Variants in CLMP observed in about 807,000 individuals in gnomAD.
CLMP encodes CXADR-like membrane protein.
CLMP carries 27 observed loss-of-function variants against 45.2 expected under a neutral mutation model. That is an observed-to-expected ratio of 0.60 (90% CI 0.44 to 0.82). CLMP has a LOEUF of 0.82. CLMP is among the 40% of genes least tolerant of loss of function. CLMP has a pLI of 0.00. For missense variants in CLMP, 403 were observed against 448.4 expected, an observed-to-expected ratio of 0.90 and a Z score of 0.91; for synonymous variants, 167 against 171.4, an observed-to-expected ratio of 0.97 and a Z score of 0.20.
chr11:123,087,038 T>C (rs977104794), intron 2 of CLMP, among the ~76,000 whole-genome samples: 16 of 150,942 alleles, frequency 1.1e-4, no homozygotes, highest in Admixed American at 9.9e-4. Flanking sequence ...TACTAAAAAA[T>C]ACAAAAATTA....
intron 1 of CLMP, among the ~76,000 whole-genome samples, chr11:123,162,813 G>C (rs1861504797): frequency 6.6e-6 from 1 of 151,630 alleles, no homozygotes; most frequent in Non-Finnish European, 1.5e-5. Context: ...GAGGCAGGAG[G>C]ATCACTTGAG....
chr11:123,115,859 C>T (rs748852711), intron 1 of CLMP, among the ~76,000 whole-genome samples: 4 of 152,258 alleles, frequency 2.6e-5, no homozygotes, highest in Admixed American at 6.5e-5. Context: ...CGTGTTATCT[C>T]ATAGTTTCTG....
At position 123,090,166 on chromosome 11, in the gene CLMP, C is replaced by T. The variant is rs559123696; in HGVS notation, c.187-5453G>A. 3.3e-5 allele frequency among the ~76,000 whole-genome samples: 5 copies of T among 151,800 alleles called. No individual in the cohort carries two copies. The East Asian group carries it at 9.7e-4, about 29-fold the overall frequency. On this transcript the variant is annotated intron_variant, in intron 2 of 6. Transcript: ENST00000448775. The stretch of plus-strand genomic sequence containing the variant: ...ATACAGATTTTGAAAAAACGCTAGG[C>T]TGGGCATGGTGGCTTACACCTCTAA...
At chr11:123,161,043 T>G (rs1268386412) in intron 1 of CLMP, among the ~76,000 whole-genome samples, 1 of 151,576 alleles carries the variant, frequency 6.6e-6, no homozygotes, top group Non-Finnish European at 1.5e-5. Flanking sequence ...CAGGCAGCAT[T>G]AGATTTCCTT....
chr11:123,187,642 T>C (rs1159171037), intron 1 of CLMP, among the ~76,000 whole-genome samples: 1 of 152,184 alleles, frequency 6.6e-6, no homozygotes, highest in East Asian at 1.9e-4. Flanking sequence ...AGATGGCCAT[T>C]CTTAATTAAG....
chr11:123,153,751 C>T (rs1439373335), intron 1 of CLMP, among the ~76,000 whole-genome samples: 1 of 152,038 alleles, frequency 6.6e-6, no homozygotes, highest in Non-Finnish European at 1.5e-5. Flanking sequence ...GGCACGATCT[C>T]AGCTCACTCC....
intron 1 of CLMP, among the ~76,000 whole-genome samples, chr11:123,104,600 C>G (rs12287454): frequency 0.1 from 15,518 of 151,044 alleles, 880 homozygotes; most frequent in East Asian, 0.17. Context: ...TGGCCAGGCT[C>G]GTCTCGAATT....
intron 1 of CLMP, among the ~76,000 whole-genome samples, chr11:123,106,424 T>TGTGCGC (rs1207028812): frequency 1.1e-5 from 1 of 90,812 alleles, no homozygotes; most frequent in African/African-American, 4.0e-5. Flanking sequence ...TGTGTGTGTG[T>TGTGCGC]GCGCGCGCGC....
At chr11:123,164,858 A>T (rs1861537027) in intron 1 of CLMP, among the ~76,000 whole-genome samples, 1 of 152,174 alleles carries the variant, frequency 6.6e-6, no homozygotes, top group South Asian at 2.1e-4. Context: ...TTAAAACATG[A>T]TAATACACTC....
At chr11:123,121,709 G>A (rs1290742014) in intron 1 of CLMP, among the ~76,000 whole-genome samples, 1 of 152,162 alleles carries the variant, frequency 6.6e-6, no homozygotes, top group Non-Finnish European at 1.5e-5. Context: ...ACAGATTCCA[G>A]TCCTTGAGCC....
At chr11:123,149,609 C>T (rs1258058400) in intron 1 of CLMP, among the ~76,000 whole-genome samples, 1 of 152,090 alleles carries the variant, frequency 6.6e-6, no homozygotes, top group African/African-American at 2.4e-5. Flanking sequence ...TTTGGTCAAT[C>T]TTGAGTTCTG....
chr11:123,146,371 G>A (rs529860929), intron 1 of CLMP, among the ~76,000 whole-genome samples: 1 of 152,248 alleles, frequency 6.6e-6, no homozygotes, highest in South Asian at 2.1e-4. Flanking sequence ...AGTGTCTAGT[G>A]CTTGGCACAT....
intron 2 of CLMP, among the ~76,000 whole-genome samples, chr11:123,094,314 C>T (rs1865966440): frequency 6.6e-6 from 1 of 152,110 alleles, no homozygotes; most frequent in Non-Finnish European, 1.5e-5. Context: ...ACCATGTTGC[C>T]CAGGCTGGTC....
At chr11:123,157,434 A>T (rs1861429296) in intron 1 of CLMP, among the ~76,000 whole-genome samples, 2 of 152,156 alleles carry the variant, frequency 1.3e-5, no homozygotes, top group Admixed American at 1.3e-4. Flanking sequence ...CATGCCTCTA[A>T]TCCAGCTACT....
intron 1 of CLMP, among the ~76,000 whole-genome samples, chr11:123,187,584 C>T (rs939825767): frequency 7.9e-5 from 12 of 152,146 alleles, no homozygotes; most frequent in African/African-American, 2.9e-4. Context: ...TTGGCTTGAT[C>T]CTATTCATTT....
chr11:123,190,223 T>C (rs935113951), intron 1 of CLMP, among the ~76,000 whole-genome samples: 3 of 152,122 alleles, frequency 2.0e-5, no homozygotes, highest in African/African-American at 7.2e-5. Context: ...TGGCTAACAG[T>C]GCCGCAGGGC....
At chr11:123,079,225 C>T (rs1402327059) in intron 5 of CLMP, among the ~76,000 whole-genome samples, 1 of 152,054 alleles carries the variant, frequency 6.6e-6, no homozygotes, top group East Asian at 1.9e-4. Flanking sequence ...CTAAATTGTG[C>T]TACTAATGTA....
At position 123,079,465 on chromosome 11, in the gene CLMP, T is replaced by G. The variant is rs1407248584; in HGVS notation, c.679+3620A>C. On this transcript the variant is annotated intron_variant, in intron 5 of 6. Coordinates refer to ENST00000448775, the MANE Select transcript of CLMP (RefSeq NM_024769.5). Reference sequence around the variant, plus strand: ...TTACTTTTTTTGTTTTGTTTTGTTTTGTTTTTGAGACGGAGTCTCTCTCTG... The same window carrying G: ...TTACTTTTTTTGTTTTGTTTTGTTTGGTTTTTGAGACGGAGTCTCTCTCTG... Among the ~76,000 whole-genome samples the G allele has an allele frequency of 3.3e-5, 5 of 152,198 alleles. No homozygotes were observed. In the East Asian group the frequency reaches 9.6e-4, roughly 29 times the overall value.
Position 123,195,139 on chromosome 11 carries a change from C to T in CLMP, c.-199G>A, listed in dbSNP as rs2135557206. ...GATGGGCTCCCGGCGCTCGCCCCACCAGCTGGCGCCCGGACGGGAGCCGGG... is the reference window on the plus strand; with the variant it reads ...GATGGGCTCCCGGCGCTCGCCCCACTAGCTGGCGCCCGGACGGGAGCCGGG... On this transcript the variant is annotated 5_prime_UTR_variant, in exon 1 of 7. Coordinates refer to ENST00000448775, the MANE Select transcript of CLMP (RefSeq NM_024769.5). 3.2e-6 allele frequency: 1 copy of T among 313,234 alleles called. No individual in the cohort carries two copies. Among genetic ancestry groups the T allele is most frequent in the East Asian group, 6.0e-5 (1 of 16,720 alleles). The allele number at this position is 313,234 out of a possible 1,614,324, so 19.4% of individuals were successfully genotyped here.
Sources: gnomAD v4.1 joint callset for allele counts (sites outside exome capture counted in the v4.1 genomes callset) on GRCh38, gnomAD v4.1.1 for gene constraint, MANE v1.5 for transcripts, NCBI Gene and HGNC (gene_info 2026-07-23, HGNC 2026-07-21) for gene names.